Variants in CREBBP observed in about 807,000 individuals in gnomAD.
The protein encoded by CREBBP is CREB binding lysine acetyltransferase.
A neutral mutation model predicts 265.0 loss-of-function variants in CREBBP; 19 were observed. That is an observed-to-expected ratio of 0.07 (90% CI 0.05 to 0.11). CREBBP has a LOEUF of 0.11. CREBBP is among the 10% of genes least tolerant of loss of function. CREBBP has a pLI of 1.00. For synonymous variants in CREBBP, 1,457 were observed against 1,223.7 expected (o/e 1.19, Z -3.98); for missense variants, 2,525 against 3,219.0 (o/e 0.78, Z 5.22).
At chr16:3,816,822 C>T (rs1202498848) in intron 2 of CREBBP, among the ~76,000 whole-genome samples, 2 of 152,172 alleles carry the variant, frequency 1.3e-5, no homozygotes, top group Admixed American at 1.3e-4. Flanking sequence ...AGGGATGCAG[C>T]GGAAGGACCC....
intron 1 of CREBBP, among the ~76,000 whole-genome samples, chr16:3,879,067 A>C (rs2055463167): frequency 6.6e-6 from 1 of 152,160 alleles, no homozygotes; most frequent in South Asian, 2.1e-4. Context: ...AAGCAACACA[A>C]ACTCAAATGG....
At chr16:3,850,276 A>T (rs775246849) in intron 2 of CREBBP, 21 bp downstream of exon 2, 19 of 1,613,280 alleles carry the variant, frequency 1.2e-5, no homozygotes, top group Non-Finnish European at 1.4e-5. Flanking sequence ...GGAAGTATTG[A>T]AAGTGCTTCA....
chr16:3,738,457 T>C, intron 26 of CREBBP, 102 bp downstream of exon 26: 1 of 774,786 alleles, frequency 1.3e-6, no homozygotes, highest in Non-Finnish European at 2.2e-6. Flanking sequence ...GATGGAAAAA[T>C]AAAAACGCAT....
rs1176688486 is a variant in CREBBP, at chr16:3,851,018, TA to T, written c.86-10del. On this transcript the variant is annotated splice_polypyrimidine_tract_variant and intron_variant, in intron 1 of 30. Coordinates refer to ENST00000262367, the MANE Select transcript of CREBBP (RefSeq NM_004380.3). ...AAACAATGATCCAAAATCTAGAAAT[TA>T]AACAGAAATGGAAATGAGAAACTAA... 1 of 1,611,938 alleles carries T rather than the reference TA, an allele frequency of 6.2e-7. No homozygotes were observed. Among genetic ancestry groups the T allele is most frequent in the East Asian group, 2.2e-5 (1 of 44,884 alleles).
intron 2 of CREBBP, among the ~76,000 whole-genome samples, chr16:3,827,452 C>T (rs1215250363): frequency 6.6e-6 from 1 of 152,008 alleles, no homozygotes; most frequent in Non-Finnish European, 1.5e-5. Flanking sequence ...AGTGCAGTGA[C>T]GCAATCTCGG....
rs2054772147 is a variant in CREBBP, at chr16:3,849,452, T to TGTGTGTGTGTG, written c.798+834_798+844dup. On this transcript the variant is annotated intron_variant, in intron 2 of 30. Transcript: ENST00000262367. Reference sequence around the variant, plus strand: ...GTGTGTGTGTGTGTGTGTGTGTGTGTGTGTGTGTGTGTGTGTGTGTGTGTG... The same window carrying TGTGTGTGTGTG: ...GTGTGTGTGTGTGTGTGTGTGTGTGTGTGTGTGTGTGGTGTGTGTGTGTGTGTGTGTGTGTG... 1.4e-4 allele frequency among the ~76,000 whole-genome samples: 11 copies of TGTGTGTGTGTG among 76,266 alleles called. 1 individual carries two copies. Among genetic ancestry groups the TGTGTGTGTGTG allele is most frequent in the South Asian group, 1.1e-3 (2 of 1,890 alleles). The allele number at this position is 76,266 out of a possible 152,430, so 50.0% of individuals were successfully genotyped here. A position where few individuals can be genotyped will look rare whatever the true frequency, so the allele number is the denominator to read the frequency against.
intron 20 of CREBBP, 122 bp from the exon 21 acceptor site, chr16:3,749,805 T>C (rs1025289523): frequency 1.1e-5 from 7 of 651,616 alleles, no homozygotes; most frequent in Middle Eastern, 8.2e-4. Context: ...TGATGGCCCC[T>C]TAAAATCTCA....
intron 3 of CREBBP, among the ~76,000 whole-genome samples, chr16:3,794,394 G>GGTCAGC (rs1166398201): frequency 7.9e-6 from 1 of 125,822 alleles, no homozygotes; most frequent in East Asian, 2.8e-4. Context: ...CAATTGCAAT[G>GGTCAGC]TACTACAAAC....
intron 8 of CREBBP, among the ~76,000 whole-genome samples, chr16:3,779,200 G>C (rs890077790): frequency 1.3e-5 from 2 of 151,844 alleles, no homozygotes; most frequent in African/African-American, 4.8e-5. Flanking sequence ...AAGACACAGG[G>C]TCTTGCTCTA....
chr16:3,728,956 G>T lies in CREBBP; in HGVS notation c.6091C>A (p.Pro2031Thr), dbSNP rs1596784872. Residue 2031 changes from proline (P) to threonine (T), a missense_variant, in exon 31 of 31, where the codon CCC becomes ACC. Coordinates refer to ENST00000262367, the MANE Select transcript of CREBBP (RefSeq NM_004380.3). The surrounding 1 kb of genome is among the most constrained non-coding windows in gnomAD (Gnocchi z 8.7). The part of the protein sequence containing the change: ...WQQAPLPQQQ[P>T]MPGLPRPVIS... ...ACAGGCCTGGGCAAGCCTGGCATGGGCTGCTGCTGGGGAAGGGGCGCCTGC... is the reference window on the plus strand; with the variant it reads ...ACAGGCCTGGGCAAGCCTGGCATGGTCTGCTGCTGGGGAAGGGGCGCCTGC... 6.3e-7 allele frequency: 1 copy of T among 1,598,568 alleles called. No individual in the cohort carries two copies. The highest frequency in any genetic ancestry group is 2.2e-5 in the East Asian group (1 of 44,618).
At chr16:3,767,485 G>C (rs1006110487) in intron 16 of CREBBP, 9 of 601,724 alleles carry the variant, frequency 1.5e-5, no homozygotes, top group South Asian at 1.4e-4. Context: ...CTGCAGCCTG[G>C]GTGCCCTCGG....
At chr16:3,771,342 T>G (rs2053003713) in intron 13 of CREBBP, among the ~76,000 whole-genome samples, 1 of 152,182 alleles carries the variant, frequency 6.6e-6, no homozygotes, top group Non-Finnish European at 1.5e-5. Context: ...GTGCTGGGAT[T>G]ACAGGCGTGA....
At chr16:3,751,110 G>A (rs528902197) in intron 20 of CREBBP, among the ~76,000 whole-genome samples, 160 of 151,998 alleles carry the variant, frequency 1.1e-3, no homozygotes, top group African/African-American at 3.8e-3. Flanking sequence ...GGAACCACTA[G>A]GAAAAAGCAA....
chr16:3,774,478 A>AATCCTGT (rs1396516770), intron 12 of CREBBP, 91 bp downstream of exon 12: 40 of 1,558,982 alleles, frequency 2.6e-5, no homozygotes, highest in Non-Finnish European at 3.2e-5. Flanking sequence ...CAAGAACCAC[A>AATCCTGT]GGATTCTCAA....
intron 3 of CREBBP, among the ~76,000 whole-genome samples, chr16:3,807,070 C>T (rs900579374): frequency 3.3e-5 from 5 of 152,208 alleles, no homozygotes; most frequent in Admixed American, 6.5e-5. Flanking sequence ...CTACACCTTC[C>T]ATTTCACAAA....
At chr16:3,805,781 T>C (rs546974165) in intron 3 of CREBBP, among the ~76,000 whole-genome samples, 107 of 152,358 alleles carry the variant, frequency 7.0e-4, no homozygotes, top group African/African-American at 2.5e-3. Context: ...CAATGGCTCA[T>C]GGTGTCAGTG....
At chr16:3,744,402 G>C (rs1336068925) in intron 23 of CREBBP, among the ~76,000 whole-genome samples, 7 of 152,224 alleles carry the variant, frequency 4.6e-5, no homozygotes, top group African/African-American at 1.7e-4. Context: ...ATAATCTGTT[G>C]ATAAATTTTC....
rs375125948 is a variant in CREBBP at position 3,778,061 on chromosome 16, G to T, written c.2063C>A (p.Pro688Gln). ...TGGAATCACAGGGGGCTGAGCCCCC[G>T]GGGCTGGTAAGGCTGGCTGGTTCCC... is the stretch of plus-strand genomic sequence containing the variant. Reference protein sequence around the residue: ...ILGNQPALPAPGAQPPVIPQA... With the variant: ...ILGNQPALPAQGAQPPVIPQA... Residue 688 changes from proline to glutamine, a missense_variant, in exon 10 of 31, where the codon CCG (proline) becomes CAG (glutamine). By Grantham distance (76) the Pro-to-Gln change is moderately conservative. Transcript: ENST00000262367. 4 of 1,614,218 alleles carry T rather than the reference G, an allele frequency of 2.5e-6. No individual in the cohort carries two copies. The highest frequency in any genetic ancestry group is 3.4e-6 in the Non-Finnish European group (4 of 1,180,024).
At chr16:3,826,854 G>T (rs756769860) in intron 2 of CREBBP, among the ~76,000 whole-genome samples, 8 of 152,164 alleles carry the variant, frequency 5.3e-5, no homozygotes, top group Non-Finnish European at 8.8e-5. Flanking sequence ...TTAATCACAA[G>T]TATCAGTATT....
Sources: gnomAD v4.1 joint callset for allele counts (sites outside exome capture counted in the v4.1 genomes callset) on GRCh38, gnomAD v4.1.1 for gene constraint, Gnocchi (gnomAD v3.1) non-coding constraint, MANE v1.5 for transcripts, NCBI Gene and HGNC (gene_info 2026-07-23, HGNC 2026-07-21) for gene names.